Variants in OLAH observed in about 807,000 individuals in gnomAD.
OLAH encodes the protein S-acyl fatty acid synthase thioesterase, medium chain.
OLAH carries 33 observed loss-of-function variants against 27.8 expected under a neutral mutation model. That is an observed-to-expected ratio of 1.19 (90% confidence interval 0.90 to 1.59). OLAH has a LOEUF of 1.59. Among genes scored for constraint, OLAH ranks in the 40% most tolerant of loss-of-function variants. The pLI, the probability that OLAH is intolerant of heterozygous loss-of-function variation, is 0.00. For synonymous variants in OLAH, 120 were observed against 102.9 expected (o/e 1.17, Z -1.01); for missense variants, 359 against 310.8 (o/e 1.16, Z -1.17).
upstream of OLAH, among the ~76,000 whole-genome samples, chr10:15,041,436 G>A (rs1043584210): frequency 1.3e-5 from 2 of 150,770 alleles, no homozygotes; most frequent in South Asian, 2.1e-4. Context: ...GTGCCTCCAC[G>A]CCTGCCTAAT....
intron 6 of OLAH, 42 bp downstream of exon 6, chr10:15,065,795 T>G: frequency 1.3e-6 from 2 of 1,542,832 alleles, no homozygotes; most frequent in Non-Finnish European, 1.8e-6. Context: ...TTGGTACAAT[T>G]ATTTGTAGAA....
chr10:15,034,166 T>A (rs1300459388), intron 1 of OLAH, among the ~76,000 whole-genome samples: 1 of 146,448 alleles, frequency 6.8e-6, no homozygotes, highest in African/African-American at 2.5e-5. Flanking sequence ...CAGGCTGGAG[T>A]GCAATGGCAA....
chr10:15,073,017 A>G lies in OLAH; in HGVS notation c.656-70A>G, dbSNP rs186866713. Reference sequence around the variant, plus strand: ...ACTTCAGGGTGTCAGCTCTTAAAGAAATGATGTCTTGATGTGAATCTTTAG... The same window carrying G: ...ACTTCAGGGTGTCAGCTCTTAAAGAGATGATGTCTTGATGTGAATCTTTAG... On this transcript the variant is annotated intron_variant, in intron 7 of 7. Transcript: ENST00000378228. 2.2e-5 allele frequency: 32 copies of G among 1,452,884 alleles called. No homozygotes were observed. The Admixed American group carries it at 5.8e-4, about 26-fold the overall frequency. The allele number at this position is 1,452,884 out of a possible 1,614,324, so 90.0% of individuals were successfully genotyped here.
At chr10:15,071,194 A>T (rs1173587000) in intron 6 of OLAH, among the ~76,000 whole-genome samples, 1 of 151,610 alleles carries the variant, frequency 6.6e-6, no homozygotes, top group East Asian at 1.9e-4. Context: ...TTCCCAGGAG[A>T]CTTGCCTTGA....
At chr10:15,041,645 G>C (rs946665219), upstream of OLAH, among the ~76,000 whole-genome samples, 10 of 151,632 alleles carry the variant, frequency 6.6e-5, no homozygotes, top group Non-Finnish European at 1.5e-5. Context: ...GCTTGATCTC[G>C]GCTCACTGCA....
At chr10:15,066,680 G>A (rs61200538) in intron 6 of OLAH, among the ~76,000 whole-genome samples, 1,739 of 149,882 alleles carry the variant, frequency 0.012, 32 homozygotes, top group African/African-American at 0.041. Context: ...TCACTTTGTC[G>A]CCCAGGCTGG....
chr10:15,058,966 TCCC>T (rs111348866), intron 3 of OLAH, among the ~76,000 whole-genome samples: 243 of 83,792 alleles, frequency 2.9e-3, no homozygotes, highest in East Asian at 5.8e-3. Context: ...CCTCCTTCCC[TCCC>T]TCCCTCTCTC....
chr10:15,059,846 C>T (rs981316525), intron 3 of OLAH, among the ~76,000 whole-genome samples: 4 of 152,082 alleles, frequency 2.6e-5, no homozygotes, highest in South Asian at 2.1e-4. Flanking sequence ...TTGCCATTAC[C>T]TTTGTATCTA....
In OLAH at chr10:15,061,766, A is replaced by ATG; in HGVS notation, c.206_207insTG (p.Glu69AspfsTer11). 1 of 1,613,714 alleles carries ATG rather than the reference A, an allele frequency of 6.2e-7. No homozygotes were observed. The highest frequency in any genetic ancestry group is 1.1e-5 in the South Asian group (1 of 91,018). On this transcript the variant is annotated frameshift_variant, in exon 4 of 8. Coordinates refer to ENST00000378228, the MANE Select transcript of OLAH (RefSeq NM_001039702.3). LOFTEE classifies it high-confidence loss of function. ...CCTGGAAGAGAAAGCAGAGTTGAAG[A>ATG]ACCTCTTGAAAATGACATCTCCCAG...
chr10:15,071,749 G>A (rs1268529701), intron 6 of OLAH, 46 bp from the exon 7 acceptor site: 5 of 1,523,888 alleles, frequency 3.3e-6, no homozygotes, highest in Non-Finnish European at 4.5e-6. Context: ...AAGATTCTGG[G>A]ATGTTGATTT....
At chr10:15,048,184 T>C (rs1844058129) in intron 2 of OLAH, among the ~76,000 whole-genome samples, 1 of 152,214 alleles carries the variant, frequency 6.6e-6, no homozygotes, top group South Asian at 2.1e-4. Flanking sequence ...ACTTGGATCT[T>C]GGGATAAAAT....
chr10:15,032,828 G>A (rs920459761), intron 1 of OLAH, among the ~76,000 whole-genome samples: 2 of 152,016 alleles, frequency 1.3e-5, no homozygotes, highest in Non-Finnish European at 2.9e-5. Flanking sequence ...TCTGCCTCCA[G>A]CAAAAAACAA....
Position 15,073,191 on chromosome 10 carries a change from A to G in OLAH, c.760A>G (p.Ile254Val), listed in dbSNP as rs1224743650. Residue 254 changes from isoleucine (I) to valine (V), a missense_variant, in exon 8 of 8, where the codon ATC becomes GTC. Physicochemically the swap from Ile to Val is conservative, Grantham distance 29 (BLOSUM62 3). Coordinates refer to ENST00000378228, the MANE Select transcript of OLAH (RefSeq NM_001039702.3). ...CGAGAAATTAATCAAGAACTACATA[A>G]TCAAGTGTCTAGAAGTATCATCGAT... is the stretch of plus-strand genomic sequence containing the variant. ...ANEKLIKNYIIKCLEVSSISN... is the reference protein window; with the variant it reads ...ANEKLIKNYIVKCLEVSSISN... The G allele has an allele frequency of 6.2e-7, 1 of 1,607,618 alleles. No homozygotes were observed. Among genetic ancestry groups the G allele is most frequent in the Non-Finnish European group, 8.5e-7 (1 of 1,174,378 alleles).
upstream of OLAH, among the ~76,000 whole-genome samples, chr10:15,041,146 CAA>C (rs748976053): frequency 1.1e-4 from 17 of 152,240 alleles, no homozygotes; most frequent in Non-Finnish European, 1.8e-4. Flanking sequence ...TTCCCACAGG[CAA>C]AGAGAAGTAC....
rs541262030 is a variant in OLAH, at chr10:15,072,490, C to A, written c.656-597C>A. On this transcript the variant is annotated intron_variant, in intron 7 of 7. Transcript: ENST00000378228. ...AGAAAGAGGAAAGACAAACAAAATG[C>A]AGCTTAACAGTCAAAGACAGGTTTT... Among the ~76,000 whole-genome samples the A allele has an allele frequency of 2.2e-3, 342 of 152,242 alleles. 1 individual carries two copies. Among genetic ancestry groups the A allele is most frequent in the African/African-American group, 7.4e-3 (308 of 41,560 alleles).
At chr10:15,068,547 C>G (rs962348038) in intron 6 of OLAH, among the ~76,000 whole-genome samples, 1 of 152,138 alleles carries the variant, frequency 6.6e-6, no homozygotes, top group Admixed American at 6.6e-5. Context: ...CACGTGCCCC[C>G]ACACCCAGCT....
At chr10:15,056,611 T>C (rs533167471) in intron 3 of OLAH, among the ~76,000 whole-genome samples, 2 of 151,926 alleles carry the variant, frequency 1.3e-5, no homozygotes, top group Non-Finnish European at 2.9e-5. Flanking sequence ...CTTTCTTTCC[T>C]TCCTTCCTTT....
chr10:15,069,385 C>T (rs191825586), intron 6 of OLAH, among the ~76,000 whole-genome samples: 116 of 152,248 alleles, frequency 7.6e-4, no homozygotes, highest in African/African-American at 2.6e-3. Flanking sequence ...ACCCTGGTGG[C>T]GAGAGGGTTT....
At chr10:15,051,983 C>G (rs988267267) in intron 3 of OLAH, among the ~76,000 whole-genome samples, 2 of 152,054 alleles carry the variant, frequency 1.3e-5, no homozygotes, top group Admixed American at 6.6e-5. Flanking sequence ...ACTTTATGTA[C>G]CAGAATATGT....
Sources: allele counts gnomAD v4.1 joint callset (sites outside exome capture counted in the v4.1 genomes callset), GRCh38; gene constraint gnomAD v4.1.1; transcripts MANE v1.5; gene names NCBI Gene and HGNC (gene_info 2026-07-23, HGNC 2026-07-21).